The following STXBP5L variants were observed in gnomAD, a reference collection of about 807,000 sequenced individuals.
STXBP5L encodes syntaxin binding protein 5L.
STXBP5L carries 65 observed loss-of-function variants against 144.5 expected under a neutral mutation model. The observed-to-expected ratio is 0.45, with a 90% CI of 0.37 to 0.55. STXBP5L has a LOEUF of 0.55. Among genes scored for constraint, STXBP5L ranks in the 20% least tolerant of loss-of-function variants. The pLI is 0.00. For synonymous variants in STXBP5L, 505 were observed against 469.6 expected (o/e 1.08, Z -0.97); for missense variants, 1,298 against 1,405.5 (o/e 0.92, Z 1.22).
At chr3:121,132,896 T>C (rs144034264) in intron 7 of STXBP5L, among the ~76,000 whole-genome samples, 1 of 151,764 alleles carries the variant, frequency 6.6e-6, no homozygotes, top group East Asian at 1.9e-4. Flanking sequence ...GAAGAAAGGA[T>C]CAGTGAACCC....
intron 3 of STXBP5L, among the ~76,000 whole-genome samples, chr3:121,028,703 A>G (rs1946145182): frequency 6.6e-6 from 1 of 152,096 alleles, no homozygotes; most frequent in African/African-American, 2.4e-5. Context: ...AGAAAATAAA[A>G]GAAAACCTAC....
chr3:121,158,169 G>A (rs910616449), intron 9 of STXBP5L: 1 of 152,294 alleles, frequency 6.6e-6, no homozygotes, highest in African/African-American at 2.4e-5. Flanking sequence ...AATCTTAATT[G>A]AGGATTTATA....
At chr3:121,014,372 G>C (rs539027822) in intron 3 of STXBP5L, among the ~76,000 whole-genome samples, 1 of 151,692 alleles carries the variant, frequency 6.6e-6, no homozygotes, top group Non-Finnish European at 1.5e-5. Context: ...CACATAGCAG[G>C]GTTGTCTTTT....
chr3:121,121,415 G>T (rs781215669), intron 6 of STXBP5L, among the ~76,000 whole-genome samples: 2 of 151,168 alleles, frequency 1.3e-5, no homozygotes, highest in African/African-American at 4.8e-5. Context: ...GGATCTTTGT[G>T]TTTTAACCCG....
intron 22 of STXBP5L, among the ~76,000 whole-genome samples, chr3:121,397,049 G>A (rs2108723216): frequency 6.6e-6 from 1 of 152,338 alleles, no homozygotes; most frequent in South Asian, 2.1e-4. Flanking sequence ...GAAGTATAGG[G>A]TGTCTGGAAA....
At chr3:121,049,949 A>G (rs544937040) in intron 5 of STXBP5L, among the ~76,000 whole-genome samples, 1 of 152,222 alleles carries the variant, frequency 6.6e-6, no homozygotes, top group South Asian at 2.1e-4. Flanking sequence ...TCCTGAGTCC[A>G]AGGATGCAAA....
At chr3:121,028,426 T>G (rs2107493486) in intron 3 of STXBP5L, among the ~76,000 whole-genome samples, 2 of 152,162 alleles carry the variant, frequency 1.3e-5, no homozygotes, top group Admixed American at 1.3e-4. Context: ...ACTTAGAAAT[T>G]TTTATGTAGG....
intron 10 of STXBP5L, 34 bp from the exon 11 acceptor site, chr3:121,222,969 C>T (rs772861467): frequency 2.6e-5 from 41 of 1,570,230 alleles, no homozygotes; most frequent in Non-Finnish European, 3.4e-5. Flanking sequence ...TTTTAAAGGA[C>T]TTCTGAGTCT....
intron 5 of STXBP5L, among the ~76,000 whole-genome samples, chr3:121,052,489 A>C (rs1413424591): frequency 6.6e-6 from 1 of 152,224 alleles, no homozygotes; most frequent in Non-Finnish European, 1.5e-5. Context: ...AACCAAAGGC[A>C]AAAACCACAT....
At chr3:120,991,727 C>A (rs912942393) in intron 3 of STXBP5L, among the ~76,000 whole-genome samples, 1 of 151,646 alleles carries the variant, frequency 6.6e-6, no homozygotes, top group South Asian at 2.1e-4. Context: ...AACCAAACAC[C>A]GCATGTTCTC....
intron 19 of STXBP5L, among the ~76,000 whole-genome samples, chr3:121,295,391 A>G (rs2108474920): frequency 6.6e-6 from 1 of 152,270 alleles, no homozygotes; most frequent in Non-Finnish European, 1.5e-5. Flanking sequence ...AGTGATTGTT[A>G]TATCTGATTT....
At chr3:121,296,880 A>C (rs995108750) in intron 19 of STXBP5L, among the ~76,000 whole-genome samples, 11 of 152,316 alleles carry the variant, frequency 7.2e-5, no homozygotes, top group African/African-American at 2.4e-4. Context: ...AAAAGTAGCA[A>C]TGCAGGTGGA....
chr3:121,203,263 A>G (rs1215495788), intron 9 of STXBP5L, among the ~76,000 whole-genome samples: 1 of 152,168 alleles, frequency 6.6e-6, no homozygotes, highest in Non-Finnish European at 1.5e-5. Flanking sequence ...AGAGATTGCC[A>G]TTGATTGGCT....
intron 8 of STXBP5L, among the ~76,000 whole-genome samples, chr3:121,156,658 G>A (rs977196473): frequency 7.3e-5 from 11 of 151,638 alleles, no homozygotes; most frequent in Non-Finnish European, 1.0e-4. Context: ...TCAGCCCTCC[G>A]TATCCATAAA....
intron 5 of STXBP5L, among the ~76,000 whole-genome samples, chr3:121,111,598 T>G (rs1254917233): frequency 6.6e-6 from 1 of 152,162 alleles, no homozygotes; most frequent in Non-Finnish European, 1.5e-5. Context: ...CCTGCTACTT[T>G]CTCTGGGAGC....
At chr3:121,142,023 C>A (rs1441276514) in intron 7 of STXBP5L, among the ~76,000 whole-genome samples, 1 of 151,768 alleles carries the variant, frequency 6.6e-6, no homozygotes, top group Non-Finnish European at 1.5e-5. Flanking sequence ...CTACAGTAAA[C>A]TCCCTTTCCA....
chr3:121,405,197 C>G (rs533869395), intron 22 of STXBP5L, among the ~76,000 whole-genome samples: 1 of 152,150 alleles, frequency 6.6e-6, no homozygotes, highest in East Asian at 1.9e-4. Flanking sequence ...GGGGTTGGGG[C>G]TTTAACATAT....
intron 11 of STXBP5L, among the ~76,000 whole-genome samples, chr3:121,231,248 G>A (rs1192913969): frequency 6.6e-6 from 1 of 152,130 alleles, no homozygotes; most frequent in Admixed American, 6.5e-5. Flanking sequence ...TGCCTCGACT[G>A]GTGGTGGCCA....
intron 3 of STXBP5L, among the ~76,000 whole-genome samples, chr3:121,018,995 C>T (rs1351219111): frequency 6.6e-6 from 1 of 152,170 alleles, no homozygotes; most frequent in Non-Finnish European, 1.5e-5. Flanking sequence ...CCCTGCTCAC[C>T]GGCTGCCGGG....
Sources: allele counts gnomAD v4.1 joint callset (sites outside exome capture counted in the v4.1 genomes callset), GRCh38; gene constraint gnomAD v4.1.1; transcripts MANE v1.5; gene names NCBI Gene and HGNC (gene_info 2026-07-23, HGNC 2026-07-21).